ITGA9: variants seen among roughly 807,000 people sequenced by gnomAD.
ITGA9 encodes the protein integrin alpha-9.
A neutral mutation model predicts 127.8 loss-of-function variants in ITGA9; 56 were observed. That is an observed-to-expected ratio of 0.44 (90% CI 0.35 to 0.55). The LOEUF is 0.55. ITGA9 is among the 20% of genes least tolerant of loss of function. ITGA9 has a pLI of 0.00. For synonymous variants in ITGA9, 508 were observed against 514.5 expected (o/e 0.99, Z 0.17); for missense variants, 1,196 against 1,347.1 (o/e 0.89, Z 1.76).
chr3:37,657,472 T>G (rs1418952798), intron 17 of ITGA9, among the ~76,000 whole-genome samples: 1 of 152,204 alleles, frequency 6.6e-6, no homozygotes, highest in African/African-American at 2.4e-5. Flanking sequence ...TCTAGTTTAT[T>G]TGCATAGAAG....
At position 37,818,191 on chromosome 3, in the gene ITGA9, T is replaced by TAAAAAAAAAAAAAA. The variant is rs748381488; in HGVS notation, c.3010-687_3010-674dup. On this transcript the variant is annotated intron_variant, in intron 27 of 27. Transcript: ENST00000264741. ...CTTTCCACTGTACATTAAGACTCTC[T>TAAAAAAAAAAAAAA]AAAAAAAAAAAAAAAAAAAAAAAAA... 1.3e-3 allele frequency: 40 copies of TAAAAAAAAAAAAAA among 31,970 alleles called. 4 individuals are homozygous for TAAAAAAAAAAAAAA. The East Asian group carries it at 0.034, about 27-fold the overall frequency. 2.0% of individuals were successfully genotyped at this position (31,970 alleles called of 1,614,324 possible).
chr3:37,763,497 C>T (rs532898165), intron 23 of ITGA9, among the ~76,000 whole-genome samples: 2 of 152,312 alleles, frequency 1.3e-5, no homozygotes, highest in South Asian at 2.1e-4. Flanking sequence ...CAGAAGTCTC[C>T]GTGTGTGTTC....
At chr3:37,487,232 T>C (rs1011008066) in intron 4 of ITGA9, among the ~76,000 whole-genome samples, 2 of 151,558 alleles carry the variant, frequency 1.3e-5, no homozygotes, top group African/African-American at 4.9e-5. Flanking sequence ...AATAAACATA[T>C]CTTATTTAAA....
intron 22 of ITGA9, 52 bp from the exon 23 acceptor site, chr3:37,750,410 G>C: frequency 9.9e-7 from 1 of 1,010,808 alleles, no homozygotes; most frequent in African/African-American, 1.6e-5. Context: ...GACAGGAAAT[G>C]GAGGTCTGCT....
chr3:37,507,109 A>G (rs1698853340), intron 7 of ITGA9, among the ~76,000 whole-genome samples: 2 of 152,102 alleles, frequency 1.3e-5, no homozygotes, highest in South Asian at 4.2e-4. Flanking sequence ...CCTCCCTAAC[A>G]CTGATGCTGT....
At chr3:37,536,100 A>G (rs1003807534) in intron 14 of ITGA9, among the ~76,000 whole-genome samples, 7 of 152,320 alleles carry the variant, frequency 4.6e-5, no homozygotes, top group African/African-American at 1.7e-4. Flanking sequence ...CAGTCTTCAG[A>G]TGGAGGAAAG....
chr3:37,729,139 A>G (rs2125526807), intron 18 of ITGA9, among the ~76,000 whole-genome samples: 1 of 152,184 alleles, frequency 6.6e-6, no homozygotes, highest in East Asian at 1.9e-4. Flanking sequence ...CCACACAAGG[A>G]GTGGTACTGC....
intron 18 of ITGA9, among the ~76,000 whole-genome samples, chr3:37,697,373 A>G (rs553854744): frequency 6.6e-6 from 1 of 151,212 alleles, no homozygotes; most frequent in East Asian, 1.9e-4. Context: ...TCTAGGGTAC[A>G]TGTGCACAAC....
At chr3:37,595,094 T>C (rs1432784284) in intron 15 of ITGA9, among the ~76,000 whole-genome samples, 6 of 152,034 alleles carry the variant, frequency 3.9e-5, no homozygotes, top group Non-Finnish European at 8.8e-5. Context: ...TTGTTGTTTT[T>C]GTTTTTGTTT....
chr3:37,494,748 TG>T (rs1309949490), intron 5 of ITGA9, among the ~76,000 whole-genome samples, 180 bp downstream of exon 5: 41 of 152,286 alleles, frequency 2.7e-4, no homozygotes, highest in Non-Finnish European at 8.8e-5. Context: ...GGGCACCAGC[TG>T]GCCAGAGACC....
chr3:37,802,165 C>G (rs560512013), intron 26 of ITGA9, among the ~76,000 whole-genome samples: 2 of 152,244 alleles, frequency 1.3e-5, no homozygotes, highest in South Asian at 4.1e-4. Context: ...ATGTTCCCCT[C>G]TGTAAAATGG....
intron 16 of ITGA9, among the ~76,000 whole-genome samples, chr3:37,638,559 C>T (rs540196888): frequency 6.6e-6 from 1 of 152,206 alleles, no homozygotes; most frequent in Non-Finnish European, 1.5e-5. Context: ...GATCTTTAAC[C>T]TGTGTATATA....
intron 15 of ITGA9, among the ~76,000 whole-genome samples, chr3:37,551,629 C>T (rs1225409128): frequency 1.3e-5 from 2 of 152,196 alleles, no homozygotes; most frequent in African/African-American, 4.8e-5. Context: ...CCACGGCATC[C>T]ATTCCTAAGG....
At chr3:37,667,265 C>T (rs1700594650) in intron 17 of ITGA9, among the ~76,000 whole-genome samples, 1 of 152,206 alleles carries the variant, frequency 6.6e-6, no homozygotes, top group Non-Finnish European at 1.5e-5. Context: ...AAACACCCAA[C>T]ATTCTCCAGT....
intron 17 of ITGA9, among the ~76,000 whole-genome samples, chr3:37,662,790 A>T (rs1371900372): frequency 6.6e-6 from 1 of 152,192 alleles, no homozygotes; most frequent in Non-Finnish European, 1.5e-5. Context: ...AGTCGAAGCA[A>T]AGGGGTCACA....
rs534091647 is a variant in ITGA9 at position 37,768,833 on chromosome 3, C to T, written c.2542-8559C>T. On this transcript the variant is annotated intron_variant, in intron 23 of 27. Transcript: ENST00000264741. ...AAACCACACTGGGGATGACTCCAGC[C>T]GTGGCTCATGGGGAACACTACTGTC... Among the ~76,000 whole-genome samples the T allele has an allele frequency of 1.8e-4, 28 of 151,952 alleles. No homozygotes were observed. In the South Asian group the frequency reaches 4.6e-3, roughly 25 times the overall value.
At chr3:37,741,302 A>T (rs1359395679) in intron 20 of ITGA9, among the ~76,000 whole-genome samples, 1 of 148,078 alleles carries the variant, frequency 6.8e-6, no homozygotes, top group African/African-American at 2.5e-5. Context: ...AGCAGCAGCA[A>T]CAGCAGCTCT....
intron 1 of ITGA9, among the ~76,000 whole-genome samples, chr3:37,457,460 G>A (rs765132067): frequency 6.6e-6 from 1 of 152,150 alleles, no homozygotes; most frequent in Admixed American, 6.5e-5. Flanking sequence ...GGCCCTGCCC[G>A]TCTTGCTGAG....
intron 14 of ITGA9, among the ~76,000 whole-genome samples, 159 bp downstream of exon 14, chr3:37,533,627 T>C (rs980215100): frequency 2.6e-5 from 4 of 152,216 alleles, no homozygotes; most frequent in African/African-American, 9.6e-5. Context: ...TCCCCTTCTA[T>C]TTCCTGCTTA....
Sources: gnomAD v4.1 joint callset for allele counts (sites outside exome capture counted in the v4.1 genomes callset) on GRCh38, gnomAD v4.1.1 for gene constraint, MANE v1.5 for transcripts, NCBI Gene and HGNC (gene_info 2026-07-23, HGNC 2026-07-21) for gene names.